The following NAALADL2 variants were observed in gnomAD, a reference collection of about 807,000 sequenced individuals.
The protein encoded by NAALADL2 is N-acetylated alpha-linked acidic dipeptidase like 2.
In NAALADL2, 76 loss-of-function variants were observed where a neutral mutation model predicts 87.2. The observed-to-expected ratio is 0.87, with a 90% CI of 0.72 to 1.05. NAALADL2 has a LOEUF of 1.05. Among genes scored for constraint, NAALADL2 ranks in the 50% least tolerant of loss-of-function variants. The pLI is 0.00. For missense variants in NAALADL2, 1,089 were observed against 945.8 expected (o/e 1.15, Z -1.99); for synonymous variants, 354 against 331.0 (o/e 1.07, Z -0.75).
At position 175,805,208 on chromosome 3, in the gene NAALADL2, A is replaced by G. The variant is rs1026028471; in HGVS notation, c.*2005A>G. On this transcript the variant is annotated 3_prime_UTR_variant, in exon 14 of 14. Coordinates refer to ENST00000454872, the MANE Select transcript of NAALADL2 (RefSeq NM_207015.3). ...AAAGGCAAGCTATTATCAGTTTGGT[A>G]GTTCATTATTTTAGAACAAATTTCT... The G allele has an allele frequency of 5.3e-5, 8 of 151,946 alleles. No individual in the cohort carries two copies. The highest frequency in any genetic ancestry group is 1.0e-4 in the Non-Finnish European group (7 of 67,906). 9.4% of individuals were successfully genotyped at this position (151,946 alleles called of 1,614,324 possible). A position where few individuals can be genotyped will look rare whatever the true frequency, so the allele number is the denominator to read the frequency against.
intron 11 of NAALADL2, among the ~76,000 whole-genome samples, chr3:175,734,795 AT>A (rs1386482994): frequency 6.6e-6 from 1 of 151,922 alleles, no homozygotes; most frequent in Non-Finnish European, 1.5e-5. Flanking sequence ...CCATGAAACT[AT>A]TTTTTCCTCC....
In NAALADL2 at chr3:174,908,788, T is replaced by A. The variant is rs917322307; in HGVS notation, c.43+49338T>A. Among the ~76,000 whole-genome samples, 11 of 152,256 alleles carry A rather than the reference T, an allele frequency of 7.2e-5. No individual in the cohort carries two copies. In the East Asian group the frequency reaches 1.7e-3, roughly 24 times the overall value. On this transcript the variant is annotated intron_variant, in intron 1 of 13. Coordinates refer to ENST00000454872, the MANE Select transcript of NAALADL2 (RefSeq NM_207015.3). Reference sequence around the variant, plus strand: ...TTAAAAATTAAGAATTAAAAATTGATGTTTGTCTGGATTTTTACAACCAAT... The same window carrying A: ...TTAAAAATTAAGAATTAAAAATTGAAGTTTGTCTGGATTTTTACAACCAAT...
At chr3:175,793,633 C>T (rs531893187) in intron 13 of NAALADL2, among the ~76,000 whole-genome samples, 9 of 151,942 alleles carry the variant, frequency 5.9e-5, no homozygotes, top group Non-Finnish European at 1.0e-4. Flanking sequence ...CATTTTCTAA[C>T]CATCTAATAT....
chr3:174,893,759 C>T (rs1731153144), intron 1 of NAALADL2, among the ~76,000 whole-genome samples: 1 of 151,946 alleles, frequency 6.6e-6, no homozygotes, highest in African/African-American at 2.4e-5. Flanking sequence ...ATTATATCAC[C>T]AGGGAAAATC....
At chr3:174,684,963 GT>G (rs1383363023) in intron 2 of NAALADL2, among the ~76,000 whole-genome samples, 1 of 152,026 alleles carries the variant, frequency 6.6e-6, no homozygotes, top group Non-Finnish European at 1.5e-5. Flanking sequence ...TCATCTTCTT[GT>G]CTGGTTCCTC....
At chr3:175,293,633 A>T (rs185564289) in intron 4 of NAALADL2, among the ~76,000 whole-genome samples, 178 of 152,208 alleles carry the variant, frequency 1.2e-3, no homozygotes, top group African/African-American at 4.1e-3. Flanking sequence ...AGTCCTCATA[A>T]ACGGGATCAA....
At chr3:175,182,782 T>C (rs1736786359) in intron 2 of NAALADL2, among the ~76,000 whole-genome samples, 1 of 151,924 alleles carries the variant, frequency 6.6e-6, no homozygotes, top group South Asian at 2.1e-4. Flanking sequence ...ACCTGAACTT[T>C]TGGGGTCAAA....
chr3:175,600,600 C>T (rs889365014), intron 10 of NAALADL2, among the ~76,000 whole-genome samples: 1 of 125,838 alleles, frequency 7.9e-6, no homozygotes, highest in African/African-American at 2.9e-5. Context: ...TCCAGTGGCG[C>T]GATCTCGGCT....
At chr3:175,048,392 T>G (rs1754942007) in intron 1 of NAALADL2, among the ~76,000 whole-genome samples, 1 of 152,148 alleles carries the variant, frequency 6.6e-6, no homozygotes, top group South Asian at 2.1e-4. Flanking sequence ...CCAAAGCCCT[T>G]TTTCTTGTGT....
At chr3:175,080,730 A>G (rs1331755026) in intron 1 of NAALADL2, among the ~76,000 whole-genome samples, 2 of 152,226 alleles carry the variant, frequency 1.3e-5, no homozygotes, top group African/African-American at 2.4e-5. Flanking sequence ...TGGAAATCCT[A>G]TATTTAGTGA....
chr3:174,489,170 C>A (rs554904185), intron 1 of NAALADL2, among the ~76,000 whole-genome samples: 1 of 151,762 alleles, frequency 6.6e-6, no homozygotes, highest in Non-Finnish European at 1.5e-5. Flanking sequence ...TTCTTAAATT[C>A]TATATTATTA....
chr3:175,786,418 C>G (rs777438601), intron 13 of NAALADL2, among the ~76,000 whole-genome samples: 2 of 152,102 alleles, frequency 1.3e-5, no homozygotes, highest in African/African-American at 2.4e-5. Context: ...TCTTTTTTCT[C>G]TAAACTTCCC....
intron 1 of NAALADL2, among the ~76,000 whole-genome samples, chr3:174,507,598 C>T (rs1428186207): frequency 6.6e-6 from 1 of 151,734 alleles, no homozygotes; most frequent in East Asian, 1.9e-4. Flanking sequence ...TGAACTCTGG[C>T]AACTATTGAT....
chr3:175,246,161 G>T (rs979231732), intron 3 of NAALADL2, among the ~76,000 whole-genome samples: 1 of 152,172 alleles, frequency 6.6e-6, no homozygotes, highest in African/African-American at 2.4e-5. Flanking sequence ...TAGAAAGAAA[G>T]AAGGTAAACG....
chr3:174,738,351 A>G (rs1049949183), intron 3 of NAALADL2, among the ~76,000 whole-genome samples: 4 of 152,248 alleles, frequency 2.6e-5, no homozygotes, highest in South Asian at 4.1e-4. Flanking sequence ...CAGAGCCAGT[A>G]TAACCACCAA....
At chr3:175,642,880 T>TA (rs1395228784) in intron 11 of NAALADL2, among the ~76,000 whole-genome samples, 2 of 152,170 alleles carry the variant, frequency 1.3e-5, no homozygotes, top group Admixed American at 1.3e-4. Context: ...AAATGGCCTC[T>TA]AGTCTATATT....
intron 4 of NAALADL2, among the ~76,000 whole-genome samples, chr3:175,263,823 T>C (rs1035562353): frequency 6.6e-6 from 1 of 151,652 alleles, no homozygotes; most frequent in Non-Finnish European, 1.5e-5. Context: ...AAAGTACCCA[T>C]GTTTCAGAAA....
chr3:174,765,143 C>CATGA lies in NAALADL2; in HGVS notation c.-9+27397_-9+27398insATGA, dbSNP rs150906568. ...ACACATACACACACACACACACACA[C>CATGA]GAGAGAGAGAGAGAGAGAGAGAGAG... On this transcript the variant is annotated intron_variant, in intron 3 of 3. Coordinates refer to the NAALADL2 transcript ENST00000434257. 1.3e-3 allele frequency among the ~76,000 whole-genome samples: 160 copies of CATGA among 124,630 alleles called. 1 individual carries two copies. Among genetic ancestry groups the CATGA allele is most frequent in the African/African-American group, 5.2e-3 (155 of 29,708 alleles). The allele number at this position is 124,630 out of a possible 152,430, so 81.8% of individuals were successfully genotyped here.
intron 2 of NAALADL2, among the ~76,000 whole-genome samples, chr3:175,174,843 G>GACACAC (rs139298739): frequency 1.2e-4 from 18 of 150,550 alleles, no homozygotes; most frequent in African/African-American, 4.2e-4. Context: ...CATGCACACA[G>GACACAC]ACACACACAC....
Sources: gnomAD v4.1 joint callset for allele counts (sites outside exome capture counted in the v4.1 genomes callset) on GRCh38, gnomAD v4.1.1 for gene constraint, MANE v1.5 for transcripts, NCBI Gene and HGNC (gene_info 2026-07-23, HGNC 2026-07-21) for gene names.